TENM3: variants seen among roughly 807,000 people sequenced by gnomAD.
The protein encoded by TENM3 is teneurin transmembrane protein 3.
A neutral mutation model predicts 255.1 loss-of-function variants in TENM3; 63 were observed. The observed-to-expected ratio is 0.25, with a 90% CI of 0.20 to 0.30. The LOEUF is 0.30. Among genes scored for constraint, TENM3 ranks in the 10% least tolerant of loss-of-function variants. The pLI is 1.00. For missense variants in TENM3, 2,929 were observed against 3,461.1 expected, an observed-to-expected ratio of 0.85 and a Z score of 3.86; for synonymous variants, 1,306 against 1,322.3, an observed-to-expected ratio of 0.99 and a Z score of 0.27.
chr4:182,658,062 G>T (rs556219831), intron 6 of TENM3, among the ~76,000 whole-genome samples: 1 of 152,184 alleles, frequency 6.6e-6, no homozygotes, highest in Admixed American at 6.5e-5. Flanking sequence ...CTCATGACTT[G>T]TCCTCCTCTA....
chr4:182,737,173 A>ATTT, intron 17 of TENM3, 98 bp downstream of exon 17: 1 of 1,269,430 alleles, frequency 7.9e-7, no homozygotes. Context: ...GATAAACAGA[A>ATTT]TATAAAGAGA....
chr4:181,605,658 TAAAATC>T, the TENM3 span, among the ~76,000 whole-genome samples: 2 of 151,944 alleles, frequency 1.3e-5, no homozygotes, highest in Non-Finnish European at 2.9e-5. Context: ...ACATTTATAA[TAAAATC>T]AACTCATATT....
the TENM3 span, among the ~76,000 whole-genome samples, chr4:181,796,237 A>G: frequency 2.0e-5 from 3 of 152,166 alleles, no homozygotes; most frequent in Admixed American, 1.3e-4. Flanking sequence ...TCATTCATCA[A>G]AAGTGTATTA....
chr4:182,278,953 G>A (rs997777068), intron 1 of TENM3, among the ~76,000 whole-genome samples: 22 of 152,232 alleles, frequency 1.4e-4, no homozygotes, highest in Admixed American at 1.4e-3. Context: ...CAAGCCCGAG[G>A]GCTGCCAAGC....
intron 6 of TENM3, among the ~76,000 whole-genome samples, chr4:182,672,725 A>G (rs1483913306): frequency 6.6e-6 from 1 of 152,244 alleles, no homozygotes; most frequent in African/African-American, 2.4e-5. Context: ...AAGTGAACAG[A>G]AAGACTGTAG....
Position 182,751,931 on chromosome 4 carries a change from C to A in TENM3, c.3761C>A (p.Ala1254Glu). Reference sequence around the variant, plus strand: ...GGGGCAAAAGACTTGACTAAAAATGCAGAAGTCGTCGCAGGGACAGGGGAG... The same window carrying A: ...GGGGCAAAAGACTTGACTAAAAATGAAGAAGTCGTCGCAGGGACAGGGGAG... Reference protein sequence around the residue: ...LTGAKDLTKNAEVVAGTGEQC... With the variant: ...LTGAKDLTKNEEVVAGTGEQC... The change falls in exon 20 of 28, where the codon GCA (alanine) becomes GAA (glutamate). Residue 1254 changes from alanine to glutamate, a missense_variant. This residue lies in a region of TENM3 where 1,608 missense variants were observed against 1,884.4 expected (regional missense o/e 0.85). Coordinates refer to ENST00000511685, the MANE Select transcript of TENM3 (RefSeq NM_001080477.4). 6.2e-7 allele frequency: 1 copy of A among 1,613,880 alleles called. No homozygotes were observed. The highest frequency in any genetic ancestry group is 2.2e-5 in the East Asian group (1 of 44,858).
intron 3 of TENM3, among the ~76,000 whole-genome samples, chr4:182,505,503 A>G (rs949432758): frequency 6.6e-6 from 1 of 151,800 alleles, no homozygotes; most frequent in African/African-American, 2.4e-5. Context: ...TTTGAGACAG[A>G]GTTTCACCCT....
At chr4:182,788,190 A>C (rs1765827900) in intron 24 of TENM3, among the ~76,000 whole-genome samples, 1 of 152,142 alleles carries the variant, frequency 6.6e-6, no homozygotes, top group Non-Finnish European at 1.5e-5. Context: ...TGTACAAGCC[A>C]CCCCTCCCAC....
the TENM3 span, among the ~76,000 whole-genome samples, chr4:181,920,836 A>G: frequency 1.3e-5 from 2 of 152,102 alleles, no homozygotes; most frequent in South Asian, 4.1e-4. Context: ...GGTAATGCCT[A>G]GGTTTTCTTC....
chr4:182,447,940 T>A (rs1000409123), intron 3 of TENM3, among the ~76,000 whole-genome samples: 2 of 152,056 alleles, frequency 1.3e-5, no homozygotes, highest in Non-Finnish European at 2.9e-5. Context: ...TAATAGTGGA[T>A]CTGGAGGGGA....
intron 1 of TENM3, among the ~76,000 whole-genome samples, chr4:182,271,621 C>T (rs1759630090): frequency 6.6e-6 from 1 of 152,176 alleles, no homozygotes; most frequent in South Asian, 2.1e-4. Flanking sequence ...GATTTCTTTG[C>T]TATGTGTGAT....
chr4:181,713,860 C>T, the TENM3 span, among the ~76,000 whole-genome samples: 6 of 152,242 alleles, frequency 3.9e-5, no homozygotes, highest in South Asian at 4.1e-4. Context: ...TAAATGCTTA[C>T]GGTGATCAAG....
chr4:181,498,982 G>A, the TENM3 span, among the ~76,000 whole-genome samples: 2 of 152,090 alleles, frequency 1.3e-5, no homozygotes, highest in African/African-American at 4.8e-5. Flanking sequence ...AAATACAGTT[G>A]TTCAAAAAAT....
chr4:181,922,526 G>A, the TENM3 span, among the ~76,000 whole-genome samples: 1 of 152,102 alleles, frequency 6.6e-6, no homozygotes, highest in Non-Finnish European at 1.5e-5. Context: ...TTGCGTAGAG[G>A]TGTTTGTAGT....
chr4:182,592,641 C>G (rs536388316), intron 3 of TENM3, among the ~76,000 whole-genome samples: 3 of 152,298 alleles, frequency 2.0e-5, no homozygotes, highest in Admixed American at 6.5e-5. Flanking sequence ...AGGAGAATCA[C>G]TTGACGGAGG....
intron 3 of TENM3, among the ~76,000 whole-genome samples, chr4:182,444,116 T>C (rs1772719923): frequency 6.6e-6 from 1 of 152,214 alleles, no homozygotes; most frequent in Non-Finnish European, 1.5e-5. Flanking sequence ...CTGTGAAAAA[T>C]TATGAATTGG....
chr4:182,047,753 A>G, the TENM3 span, among the ~76,000 whole-genome samples: 5,613 of 152,176 alleles, frequency 0.037, 154 homozygotes, highest in Middle Eastern at 0.071. Context: ...GTATAAGTGC[A>G]TCGTACCCCA....
chr4:182,423,193 A>T (rs982856055), intron 3 of TENM3, among the ~76,000 whole-genome samples: 2 of 152,072 alleles, frequency 1.3e-5, no homozygotes, highest in African/African-American at 4.8e-5. Context: ...TGAATTTTTT[A>T]AAATTTCTTT....
intron 1 of TENM3, among the ~76,000 whole-genome samples, chr4:182,258,617 A>G (rs1758583072): frequency 6.6e-6 from 1 of 152,212 alleles, no homozygotes; most frequent in Non-Finnish European, 1.5e-5. Context: ...AGTCAGAATA[A>G]GATATTTTCA....
Sources: gnomAD v4.1 joint callset for allele counts (sites outside exome capture counted in the v4.1 genomes callset) on GRCh38, gnomAD v4.1.1 for gene constraint, gnomAD v4.1.1 regional missense constraint, MANE v1.5 for transcripts, NCBI Gene and HGNC (gene_info 2026-07-23, HGNC 2026-07-21) for gene names.